The following FRMD6 variants were observed in gnomAD, a reference collection of about 807,000 sequenced individuals.
FRMD6 encodes the protein FERM domain-containing protein 6.
FRMD6 carries 37 observed loss-of-function variants against 73.2 expected under a neutral mutation model. The observed-to-expected ratio is 0.51, with a 90% CI of 0.39 to 0.66. The LOEUF (loss-of-function observed/expected upper bound fraction) is 0.66, where lower values mean the gene tolerates loss of function less well. Among genes scored for constraint, FRMD6 ranks in the 30% least tolerant of loss-of-function variants. The probability of loss-of-function intolerance (pLI) is 0.00; values close to 1 mark genes in which losing one functional copy is unlikely to be tolerated. For missense variants in FRMD6, 714 were observed against 780.5 expected, an observed-to-expected ratio of 0.91 and a Z score of 1.02; for synonymous variants, 273 against 282.2, an observed-to-expected ratio of 0.97 and a Z score of 0.33.
At chr14:51,644,387 A>ACACACACACACACACT (rs1489278384) in intron 2 of FRMD6, among the ~76,000 whole-genome samples, 23 of 115,056 alleles carry the variant, frequency 2.0e-4, no homozygotes, top group African/African-American at 6.7e-4. Flanking sequence ...ACACACACAC[A>ACACACACACACACACT]CTCACTCACT....
chr14:51,690,376 T>C lies in FRMD6; in HGVS notation c.99+441T>C, dbSNP rs548117975. Among the ~76,000 whole-genome samples, 3 of 151,978 alleles carry C rather than the reference T, an allele frequency of 2.0e-5. No individual in the cohort carries two copies. In the East Asian group the frequency reaches 5.8e-4, roughly 30 times the overall value. On this transcript the variant is annotated intron_variant, in intron 2 of 13. Transcript: ENST00000344768. ...ATTACTTTTGCACCAACCTAGATAG[T>C]TTTTTTTGTTTTTTGTTTTTGCTTT... is the stretch of plus-strand genomic sequence containing the variant.
chr14:51,567,414 A>G (rs1887836034), intron 1 of FRMD6, among the ~76,000 whole-genome samples: 1 of 152,164 alleles, frequency 6.6e-6, no homozygotes, highest in Non-Finnish European at 1.5e-5. Flanking sequence ...TGGAGGCATC[A>G]TAGCTCACTG....
chr14:51,524,764 C>T lies in FRMD6; in HGVS notation c.-210+35344C>T, dbSNP rs567476987. On this transcript the variant is annotated intron_variant, in intron 1 of 14. Transcript: ENST00000356218. Reference sequence around the variant, plus strand: ...AACAACTGGGTTGGTTATAGCTCGGCGTTCTCCTTATTTGAACAGTTGGCC... The same window carrying T: ...AACAACTGGGTTGGTTATAGCTCGGTGTTCTCCTTATTTGAACAGTTGGCC... 2.0e-4 allele frequency among the ~76,000 whole-genome samples: 31 copies of T among 152,110 alleles called. No homozygotes were observed. In the East Asian group the frequency reaches 3.3e-3, roughly 16 times the overall value.
At chr14:51,723,357 A>C (rs1477257267) in intron 12 of FRMD6, among the ~76,000 whole-genome samples, 2 of 152,210 alleles carry the variant, frequency 1.3e-5, no homozygotes, top group East Asian at 3.8e-4. Flanking sequence ...TTGCGTTTAT[A>C]TATTTCTGCA....
intron 1 of FRMD6, among the ~76,000 whole-genome samples, chr14:51,676,799 AAT>A (rs1463913304): frequency 1.3e-5 from 2 of 152,134 alleles, no homozygotes; most frequent in Non-Finnish European, 2.9e-5. Context: ...CTGCTTTCTG[AAT>A]ATGTCATCCT....
intron 2 of FRMD6, chr14:51,599,972 T>C (rs1362784425): frequency 1.3e-5 from 2 of 150,948 alleles, no homozygotes; most frequent in African/African-American, 2.4e-5. Context: ...ACGGCCAACC[T>C]GGGCTTCAAC....
At chr14:51,593,104 A>G (rs1265528895) in intron 2 of FRMD6, among the ~76,000 whole-genome samples, 1 of 152,164 alleles carries the variant, frequency 6.6e-6, no homozygotes, top group Non-Finnish European at 1.5e-5. Flanking sequence ...CTTATTTTTT[A>G]TGGCATCCTG....
intron 1 of FRMD6, among the ~76,000 whole-genome samples, chr14:51,540,973 C>T (rs997744330): frequency 6.6e-6 from 1 of 151,994 alleles, no homozygotes; most frequent in African/African-American, 2.4e-5. Context: ...AGGTAAACAC[C>T]ATGCAAGAAG....
chr14:51,414,551 C>T, the FRMD6 span, among the ~76,000 whole-genome samples: 1 of 152,214 alleles, frequency 6.6e-6, no homozygotes, highest in African/African-American at 2.4e-5. Context: ...GTTTTGGTTA[C>T]TGTAGCCTTG....
chr14:51,523,967 A>G (rs1885088530), intron 1 of FRMD6, among the ~76,000 whole-genome samples: 2 of 152,246 alleles, frequency 1.3e-5, no homozygotes, highest in Admixed American at 6.5e-5. Flanking sequence ...ATTTTGTGCT[A>G]GCAATATCAG....
chr14:51,419,969 C>T, the FRMD6 span, among the ~76,000 whole-genome samples: 6 of 150,698 alleles, frequency 4.0e-5, no homozygotes, highest in Non-Finnish European at 7.4e-5. Flanking sequence ...TTCCTGCCCT[C>T]GTTAGGTGTG....
In FRMD6 at chr14:51,704,929, A is replaced by G. The variant is rs755751506; in HGVS notation, c.552A>G (p.Pro184=). ...ACTTCGAGCCAGAGGCTTACTTCCC[A>G]TCTTGGGTAAGCACTGTTTTCAAAT... ...GKYFEPEAYF[P]SWVVSKRGKD... Residue 184 remains proline (P), a synonymous_variant, in exon 6 of 14, where the codon CCA becomes CCG. Transcript: ENST00000344768. 1 of 1,604,392 alleles carries G rather than the reference A, an allele frequency of 6.2e-7. No homozygotes were observed. The highest frequency in any genetic ancestry group is 1.1e-5 in the South Asian group (1 of 90,608).
At chr14:51,612,042 T>C (rs994325681) in intron 2 of FRMD6, among the ~76,000 whole-genome samples, 1 of 152,224 alleles carries the variant, frequency 6.6e-6, no homozygotes, top group Non-Finnish European at 1.5e-5. Flanking sequence ...GTGATCTTTT[T>C]CTTCTATTTA....
the FRMD6 span, among the ~76,000 whole-genome samples, chr14:51,437,815 C>T: frequency 3.6e-3 from 541 of 152,234 alleles, 3 homozygotes; most frequent in African/African-American, 0.012. Flanking sequence ...CATTTTTATC[C>T]TTTCCTGTCT....
intron 2 of FRMD6, among the ~76,000 whole-genome samples, chr14:51,581,005 C>A (rs1322581257): frequency 6.6e-6 from 1 of 152,086 alleles, no homozygotes; most frequent in Admixed American, 6.6e-5. Context: ...GCTAGTGTGG[C>A]CTTCAAAAAT....
the FRMD6 span, among the ~76,000 whole-genome samples, chr14:51,429,645 G>T: frequency 1.3e-5 from 2 of 152,274 alleles, no homozygotes; most frequent in South Asian, 4.1e-4. Flanking sequence ...GCTTTTAAAA[G>T]AGACCAAGCA....
chr14:51,522,947 C>T (rs751474432), intron 1 of FRMD6: 4 of 152,110 alleles, frequency 2.6e-5, no homozygotes, highest in Non-Finnish European at 4.4e-5. Flanking sequence ...GCATGCAAAT[C>T]CTTTTATGCT....
intron 1 of FRMD6, among the ~76,000 whole-genome samples, chr14:51,509,788 G>A (rs1403853013): frequency 4.6e-5 from 7 of 151,878 alleles, no homozygotes; most frequent in African/African-American, 1.2e-4. Flanking sequence ...CACCACGCCC[G>A]GCTAATTTTT....
intron 2 of FRMD6, among the ~76,000 whole-genome samples, chr14:51,623,394 A>G (rs535973634): frequency 6.6e-6 from 1 of 152,318 alleles, no homozygotes; most frequent in African/African-American, 2.4e-5. Context: ...CCTGAATGCC[A>G]CAGATCCAAA....
Sources: gnomAD v4.1 joint callset for allele counts (sites outside exome capture counted in the v4.1 genomes callset) on GRCh38, gnomAD v4.1.1 for gene constraint, MANE v1.5 for transcripts, NCBI Gene and HGNC (gene_info 2026-07-23, HGNC 2026-07-21) for gene names.